Variants in RNF13 observed in about 807,000 individuals in gnomAD.
RNF13 encodes E3 ubiquitin-protein ligase RNF13.
Under a neutral mutation model 37.7 loss-of-function variants are expected in RNF13, and 19 were observed. The observed-to-expected ratio is 0.50, with a 90% CI of 0.35 to 0.74. The LOEUF (loss-of-function observed/expected upper bound fraction) is 0.74. Ranked by LOEUF, RNF13 falls within the 30% of genes least tolerant of loss-of-function variation. The pLI, the probability that RNF13 is intolerant of heterozygous loss-of-function variation, is 0.01. For missense variants in RNF13, 375 were observed against 453.0 expected (o/e 0.83, Z 1.56); for synonymous variants, 144 against 157.8 (o/e 0.91, Z 0.65).
intron 3 of RNF13, among the ~76,000 whole-genome samples, chr3:149,863,667 A>G (rs1034009791): frequency 1.3e-5 from 2 of 152,184 alleles, no homozygotes; most frequent in Non-Finnish European, 2.9e-5. Flanking sequence ...GGTGTGAGCC[A>G]CCACACCCGG....
chr3:149,858,262 A>G (rs1269991950), intron 3 of RNF13, among the ~76,000 whole-genome samples: 1 of 152,220 alleles, frequency 6.6e-6, no homozygotes, highest in South Asian at 2.1e-4. Flanking sequence ...GAAACACAAA[A>G]TAGACCAAGA....
chr3:149,873,544 T>G (rs1258756150), intron 4 of RNF13, among the ~76,000 whole-genome samples: 2 of 152,198 alleles, frequency 1.3e-5, no homozygotes, highest in Non-Finnish European at 2.9e-5. Context: ...AATTTTATGT[T>G]GCAGCCATAC....
At chr3:149,832,631 A>G (rs968871957) in intron 1 of RNF13, among the ~76,000 whole-genome samples, 2 of 152,192 alleles carry the variant, frequency 1.3e-5, no homozygotes, top group Non-Finnish European at 2.9e-5. Context: ...GAAATTAACA[A>G]ATCTTTCATT....
rs1452005154 is a variant in RNF13, at chr3:149,847,072, G to T, written c.114+932G>T. Among the ~76,000 whole-genome samples, 3 of 152,140 alleles carry T rather than the reference G, an allele frequency of 2.0e-5. No individual in the cohort carries two copies. The East Asian group carries it at 5.8e-4, about 29-fold the overall frequency. On this transcript the variant is annotated intron_variant, in intron 2 of 9. Transcript: ENST00000392894. Reference sequence around the variant, plus strand: ...CTAGTGAGCTTTCGACTTTATGATGGTATGAAAGTGATATGCATTCAGTAC... The same window carrying T: ...CTAGTGAGCTTTCGACTTTATGATGTTATGAAAGTGATATGCATTCAGTAC...
At chr3:149,842,966 G>A in intron 1 of RNF13, among the ~76,000 whole-genome samples, 1 of 152,144 alleles carries the variant, frequency 6.6e-6, no homozygotes, top group East Asian at 1.9e-4. Context: ...AAAACAGTAT[G>A]CACAGTGTGC....
intron 8 of RNF13, among the ~76,000 whole-genome samples, chr3:149,954,041 T>A (rs1721612170): frequency 6.6e-6 from 1 of 152,182 alleles, no homozygotes; most frequent in Non-Finnish European, 1.5e-5. Flanking sequence ...AACATTACAC[T>A]TGAAATTTCA....
intron 4 of RNF13, among the ~76,000 whole-genome samples, chr3:149,879,920 T>C (rs1269768821): frequency 6.6e-6 from 1 of 152,206 alleles, no homozygotes; most frequent in East Asian, 1.9e-4. Flanking sequence ...GATCCTAACC[T>C]AAAAAACCCA....
intron 7 of RNF13, 57 bp from the exon 8 acceptor site, chr3:149,921,077 T>G (rs976693948): frequency 1.6e-6 from 1 of 616,132 alleles, no homozygotes; most frequent in Non-Finnish European, 2.6e-6. Flanking sequence ...ATTTTAATGG[T>G]CACTTTCTCT....
At chr3:149,908,176 A>G (rs890206250) in intron 6 of RNF13, among the ~76,000 whole-genome samples, 4 of 152,180 alleles carry the variant, frequency 2.6e-5, no homozygotes. Flanking sequence ...TGTAACTTTT[A>G]TTAGGGAAGG....
chr3:149,823,466 G>A (rs1389885193), intron 1 of RNF13, among the ~76,000 whole-genome samples: 1 of 152,182 alleles, frequency 6.6e-6, no homozygotes, highest in African/African-American at 2.4e-5. Flanking sequence ...TTTCTGGAAA[G>A]CAATTGGGCA....
intron 8 of RNF13, among the ~76,000 whole-genome samples, chr3:149,947,051 T>C (rs991314554): frequency 1.3e-5 from 2 of 152,252 alleles, no homozygotes; most frequent in African/African-American, 4.8e-5. Flanking sequence ...CATTAATTCC[T>C]ATACATTTGT....
Position 149,945,314 on chromosome 3 carries a change from TTGC to T in RNF13, c.701-14740_701-14738del, listed in dbSNP as rs1720659959. On this transcript the variant is annotated intron_variant, in intron 8 of 9. Coordinates refer to ENST00000392894, the MANE Select transcript of RNF13 (RefSeq NM_183381.3). Reference sequence around the variant, plus strand: ...TGGGCTCTTTTTTGAGCCTTGGTCATTGCTAGCACAGCAGTCTGAGATCGAACT... The same window carrying T: ...TGGGCTCTTTTTTGAGCCTTGGTCATTAGCACAGCAGTCTGAGATCGAACT... 2.6e-5 allele frequency among the ~76,000 whole-genome samples: 4 copies of T among 152,234 alleles called. No individual in the cohort carries two copies. The South Asian group carries it at 8.3e-4, about 32-fold the overall frequency.
intron 3 of RNF13, among the ~76,000 whole-genome samples, chr3:149,866,370 T>G (rs1307462991): frequency 2.6e-5 from 4 of 152,246 alleles, no homozygotes; most frequent in African/African-American, 7.2e-5. Flanking sequence ...TATGGGTAAC[T>G]TCCTGAAGTT....
rs1017596098 is a variant in RNF13 at position 149,860,285 on chromosome 3, A to G, written c.195+7689A>G. ...AAAAAAAAAAAATATATATATATAT[A>G]TATATATATATATATAACGTGTATA... On this transcript the variant is annotated intron_variant, in intron 3 of 9. Coordinates refer to ENST00000392894, the MANE Select transcript of RNF13 (RefSeq NM_183381.3). 7.1e-5 allele frequency among the ~76,000 whole-genome samples: 10 copies of G among 141,686 alleles called. 1 individual carries two copies. Among genetic ancestry groups the G allele is most frequent in the African/African-American group, 2.6e-4 (10 of 39,008 alleles). 93.0% of individuals were successfully genotyped at this position (141,686 alleles called of 152,430 possible).
At chr3:149,872,457 A>G (rs542670604) in intron 4 of RNF13, among the ~76,000 whole-genome samples, 6 of 152,308 alleles carry the variant, frequency 3.9e-5, no homozygotes, top group African/African-American at 1.2e-4. Flanking sequence ...ACCTACATCT[A>G]TACCTGTGTC....
chr3:149,841,140 G>C (rs1722138946), intron 1 of RNF13, among the ~76,000 whole-genome samples: 1 of 152,162 alleles, frequency 6.6e-6, no homozygotes, highest in African/African-American at 2.4e-5. Context: ...CCAATCAGGA[G>C]TCATTTTTAC....
At chr3:149,905,258 A>G (rs1257443270) in intron 6 of RNF13, among the ~76,000 whole-genome samples, 1 of 152,126 alleles carries the variant, frequency 6.6e-6, no homozygotes, top group Non-Finnish European at 1.5e-5. Flanking sequence ...TTGTTGTCAG[A>G]TTTGCTTATT....
chr3:149,854,922 TG>T (rs1723497813), intron 3 of RNF13, among the ~76,000 whole-genome samples: 1 of 152,196 alleles, frequency 6.6e-6, no homozygotes, highest in Admixed American at 6.5e-5. Context: ...GTAGGGTTTT[TG>T]TTGTTGTTAT....
At chr3:149,939,235 G>C (rs568927820) in intron 8 of RNF13, 1 of 499,898 alleles carries the variant, frequency 2.0e-6, no homozygotes, top group Non-Finnish European at 3.8e-6. Context: ...GGAGTATCTC[G>C]TATGGATTTC....
Sources: gnomAD v4.1 joint callset for allele counts (sites outside exome capture counted in the v4.1 genomes callset) on GRCh38, gnomAD v4.1.1 for gene constraint, MANE v1.5 for transcripts, NCBI Gene and HGNC (gene_info 2026-07-23, HGNC 2026-07-21) for gene names.